The following RP1L1 variants were observed in gnomAD, a reference collection of about 807,000 sequenced individuals.
RP1L1 encodes RP1 like 1, also known as retinitis pigmentosa 1-like 1 protein.
In RP1L1, 27 loss-of-function variants were observed where a neutral mutation model predicts 15.7. The ratio of observed to expected loss-of-function variants is 1.72; its 90% CI spans 1.27 to 2.38. The LOEUF (loss-of-function observed/expected upper bound fraction) is 2.38. RP1L1 is among the 30% of genes most tolerant of loss of function. The pLI is 0.00. For missense variants in RP1L1, 4,798 were observed against 3,075.9 expected (o/e 1.56, Z -13.24); for synonymous variants, 1,813 against 1,276.7 (o/e 1.42, Z -8.96).
At chr8:10,622,514 ATC>A in intron 2 of RP1L1, 77 bp downstream of exon 2, 5 of 1,590,624 alleles carry the variant, frequency 3.1e-6, no homozygotes, top group Non-Finnish European at 3.4e-6. Flanking sequence ...TTAAGGAATA[ATC>A]TCTCTCTTCC....
rs557563028 is a variant in RP1L1 at position 10,612,888 on chromosome 8, T to C, written c.1210A>G (p.Lys404Glu). Reference protein sequence around the residue: ...VFGRGGQPGPKYEIWTNPLHA... With the variant: ...VFGRGGQPGPEYEIWTNPLHA... ...AGGGGATTCGTCCAGATTTCATACT[T>C]GGGCCCTGGCTGCCCGCCTCGGCCA... Residue 404 changes from lysine (K) to glutamate (E), a missense_variant, in exon 4 of 4, where the codon AAG becomes GAG. Transcript: ENST00000382483. 41 of 1,612,948 alleles carry C rather than the reference T, an allele frequency of 2.5e-5. 1 individual carries two copies. In the South Asian group the frequency reaches 3.5e-4, roughly 14 times the overall value.
At chr8:10,633,743 ACT>A (rs1409112720) in intron 1 of RP1L1, among the ~76,000 whole-genome samples, 2 of 152,108 alleles carry the variant, frequency 1.3e-5, no homozygotes, top group African/African-American at 4.8e-5. Flanking sequence ...CTAAGTACAG[ACT>A]ACACGAGCTT....
At chr8:10,650,019 T>C (rs143651236) in intron 1 of RP1L1, among the ~76,000 whole-genome samples, 28 of 152,264 alleles carry the variant, frequency 1.8e-4, no homozygotes, top group African/African-American at 6.3e-4. Flanking sequence ...TTTCCCTGGT[T>C]GTAGGGCACG....
At position 10,610,894 on chromosome 8, in the gene RP1L1, G is replaced by A. The variant is rs1225940254; in HGVS notation, c.3204C>T (p.Cys1068=). The A allele has an allele frequency of 6.2e-7, 1 of 1,610,574 alleles. No homozygotes were observed. The highest frequency in any genetic ancestry group is 1.1e-5 in the South Asian group (1 of 90,938). The change falls in exon 4 of 4, where the codon TGC becomes TGT. Residue 1068 remains cysteine, a synonymous_variant. Transcript: ENST00000382483. ...AGADREAPAG[C]RVSLRALPGR... ...CAGGAAGTGCCCGCAGGCTCACCCT[G>A]CAGCCTGCTGGGGCCTCTCTGTCTG...
chr8:10,653,459 AACAC>A lies in RP1L1; in HGVS notation c.-20+1435_-20+1438del, dbSNP rs57172931. Among the ~76,000 whole-genome samples, 1,307 of 148,806 alleles carry A rather than the reference AACAC, an allele frequency of 8.8e-3. 23 individuals carry two copies. Among genetic ancestry groups the A allele is most frequent in the African/African-American group, 0.031 (1,243 of 40,410 alleles). On this transcript the variant is annotated intron_variant, in intron 1 of 3. Transcript: ENST00000382483. Reference sequence around the variant, plus strand: ...TCCAAAACACCAGGTGTCTCCCTCCAACACACACACACACACACATACACACACA... The same window carrying A: ...TCCAAAACACCAGGTGTCTCCCTCCAACACACACACACACATACACACACA...
intron 2 of RP1L1, chr8:10,621,727 T>C (rs1428109333): frequency 3.9e-6 from 2 of 507,150 alleles, no homozygotes; most frequent in East Asian, 1.1e-4. Flanking sequence ...TCAACCTCCA[T>C]CCTCCATTCT....
At chr8:10,620,746 G>C (rs913290811) in intron 2 of RP1L1, among the ~76,000 whole-genome samples, 1 of 152,234 alleles carries the variant, frequency 6.6e-6, no homozygotes, top group African/African-American at 2.4e-5. Context: ...GGTTCTGATT[G>C]TCTAAGGGGG....
chr8:10,615,995 C>G (rs923429716), intron 3 of RP1L1, among the ~76,000 whole-genome samples: 6 of 152,198 alleles, frequency 3.9e-5, no homozygotes, highest in Admixed American at 3.9e-4. Context: ...GCCTCAACCT[C>G]CTAGGCTCAA....
chr8:10,624,797 T>G (rs1365272650), intron 1 of RP1L1, among the ~76,000 whole-genome samples: 1 of 152,186 alleles, frequency 6.6e-6, no homozygotes, highest in African/African-American at 2.4e-5. Context: ...ACTGGGCTTT[T>G]CAGTTCCACG....
At chr8:10,638,533 C>T (rs1031217129) in intron 1 of RP1L1, among the ~76,000 whole-genome samples, 5 of 151,986 alleles carry the variant, frequency 3.3e-5, no homozygotes, top group South Asian at 4.2e-4. Context: ...TGCTTGAGTC[C>T]GGCAGTTCAA....
chr8:10,611,421 G>T lies in RP1L1; in HGVS notation c.2677C>A (p.Arg893Ser), dbSNP rs765529629. The T allele has an allele frequency of 1.3e-6, 2 of 1,586,936 alleles. No homozygotes were observed. The highest frequency in any genetic ancestry group is 2.7e-5 in the African/African-American group (2 of 74,556). Residue 893 changes from arginine to serine, a missense_variant, in exon 4 of 4, where the codon CGC becomes AGC. Physicochemically the swap from Arg to Ser is moderately radical, Grantham distance 110. Coordinates refer to ENST00000382483, the MANE Select transcript of RP1L1 (RefSeq NM_178857.6). ...GGGGACGGCGTGGGGCCTGGCTGGC[G>T]TGTCCCCTCCTGCGGGCTCCCACCT... ...GPGGSPQEGT[R>S]QPGPTPSPGP...
chr8:10,655,105 G>C lies in RP1L1; in HGVS notation c.-227C>G, dbSNP rs1221809495. Reference sequence around the variant, plus strand: ...CCTGAGGCCCCAGTCCCTTGGGCAGGAGCCCAGCCTCCTGAGCTCCAACAG... The same window carrying C: ...CCTGAGGCCCCAGTCCCTTGGGCAGCAGCCCAGCCTCCTGAGCTCCAACAG... On this transcript the variant is annotated 5_prime_UTR_variant, in exon 1 of 4. Coordinates refer to ENST00000382483, the MANE Select transcript of RP1L1 (RefSeq NM_178857.6). The C allele has an allele frequency of 1.3e-5, 2 of 152,708 alleles. No individual in the cohort carries two copies. The highest frequency in any genetic ancestry group is 4.8e-5 in the African/African-American group (2 of 41,470). The allele number at this position is 152,708 out of a possible 1,614,324, so 9.5% of individuals were successfully genotyped here. A position where few individuals can be genotyped will look rare whatever the true frequency, so the allele number is the denominator to read the frequency against.
At position 10,610,206 on chromosome 8, in the gene RP1L1, G is replaced by A. The variant is rs1237272674; in HGVS notation, c.3892C>T (p.Gln1298Ter). ...NLEQLAENTV[Q>*]EEVQLEETKE... Reference sequence around the variant, plus strand: ...GTTTCCTCTAATTGCACCTCTTCTTGCACTGTGTTTTCAGCTAACTGCTCC... The same window carrying A: ...GTTTCCTCTAATTGCACCTCTTCTTACACTGTGTTTTCAGCTAACTGCTCC... The change falls in exon 4 of 4, where the codon CAA becomes TAA. Residue 1298 changes from glutamine (Q) to a stop codon, truncating the protein, a stop_gained. Transcript: ENST00000382483. LOFTEE classifies it low-confidence loss of function (END_TRUNC). The A allele has an allele frequency of 2.0e-6, 3 of 1,465,488 alleles. No individual in the cohort carries two copies. In the East Asian group the frequency reaches 6.9e-5, roughly 34 times the overall value. 90.8% of individuals were successfully genotyped at this position (1,465,488 alleles called of 1,614,324 possible).
intron 1 of RP1L1, among the ~76,000 whole-genome samples, chr8:10,640,146 G>C (rs1798386093): frequency 6.6e-6 from 1 of 152,140 alleles, no homozygotes; most frequent in Non-Finnish European, 1.5e-5. Flanking sequence ...ATTGATAATG[G>C]CCTTACACTG....
Position 10,612,147 on chromosome 8 carries a change from G to C in RP1L1, c.1951C>G (p.Pro651Ala). The C allele has an allele frequency of 8.7e-6, 14 of 1,613,586 alleles. No individual in the cohort carries two copies. The highest frequency in any genetic ancestry group is 1.1e-5 in the Non-Finnish European group (13 of 1,180,032). Residue 651 changes from proline (P) to alanine (A), a missense_variant, in exon 4 of 4, where the codon CCC becomes GCC. By Grantham distance (27) the Pro-to-Ala change is conservative (BLOSUM62 -1). Transcript: ENST00000382483. ...ACTCGGCCAAGGCCAGGGCTGCTGG[G>C]TGAGGACATTGCACTGGCCCGGCTT... ...HRSRASAMSS[P>A]SSPGLGRVAP...
In RP1L1 at chr8:10,610,748, G is replaced by A. The variant is rs1305407920; in HGVS notation, c.3350C>T (p.Ala1117Val). 1.2e-6 allele frequency: 2 copies of A among 1,613,302 alleles called. No individual in the cohort carries two copies. Among genetic ancestry groups the A allele is most frequent in the African/African-American group, 1.3e-5 (1 of 74,942 alleles). The change falls in exon 4 of 4, where the codon GCC (alanine) becomes GTC (valine). Residue 1117 changes from alanine to valine, a missense_variant. Transcript: ENST00000382483. ...MARRLSCSAG[A>V]LITCLASLQL... ...CAGACTGGCCAGACAAGTAATGAGGGCCCCGGCTGAGCAGCTGAGCCTCCT... is the reference window on the plus strand; with the variant it reads ...CAGACTGGCCAGACAAGTAATGAGGACCCCGGCTGAGCAGCTGAGCCTCCT...
chr8:10,611,372 C>A lies in RP1L1; in HGVS notation c.2726G>T (p.Arg909Met), dbSNP rs759860322. 12 of 1,609,536 alleles carry A rather than the reference C, an allele frequency of 7.5e-6. No homozygotes were observed. Among genetic ancestry groups the A allele is most frequent in the Non-Finnish European group, 4.2e-6 (5 of 1,179,084 alleles). Residue 909 changes from arginine (R) to methionine (M), a missense_variant, in exon 4 of 4, where the codon AGG (arginine) becomes ATG (methionine). Transcript: ENST00000382483. The stretch of plus-strand genomic sequence containing the variant: ...CGCACCCTGGCTGGCACTGCTTCTC[C>A]TTGATGCCCCTGAATTGGGGCCTGG... ...PSPGPNSGAS[R>M]RSSASQGAGS...
rs373899578 is a variant in RP1L1 at position 10,609,484 on chromosome 8, C to A, written c.4614G>T (p.Val1538=). ...KAFLAHLASA[V]AELRARWGLQ... is the part of the protein sequence containing the mutation. The stretch of plus-strand genomic sequence containing the variant: ...GGCCCCAGCGTGCTCGGAGCTCAGC[C>A]ACCGCACTGGCAAGGTGGGCCAGGA... The change falls in exon 4 of 4, where the codon GTG becomes GTT. Residue 1538 remains valine, a synonymous_variant. Coordinates refer to ENST00000382483, the MANE Select transcript of RP1L1 (RefSeq NM_178857.6). 1.2e-6 allele frequency: 2 copies of A among 1,611,714 alleles called. No homozygotes were observed. The highest frequency in any genetic ancestry group is 1.7e-6 in the Non-Finnish European group (2 of 1,179,736).
In RP1L1 at chr8:10,617,801, C is replaced by A. The variant is rs146416459; in HGVS notation, c.610-1214G>T. Among the ~76,000 whole-genome samples the A allele has an allele frequency of 1.8e-4, 28 of 152,186 alleles. No individual in the cohort carries two copies. The East Asian group carries it at 5.0e-3, about 27-fold the overall frequency. On this transcript the variant is annotated intron_variant, in intron 2 of 3. Transcript: ENST00000382483. ...TCGATCTCCTGACCTCGTGATCCGC[C>A]GGCCTCGGCCTCCCAAAGTGCTGGG...
Sources: allele counts gnomAD v4.1 joint callset (sites outside exome capture counted in the v4.1 genomes callset), GRCh38; gene constraint gnomAD v4.1.1; transcripts MANE v1.5; gene names NCBI Gene and HGNC (gene_info 2026-07-23, HGNC 2026-07-21).